The following IFT57 variants were observed in gnomAD, a reference collection of about 807,000 sequenced individuals.
IFT57 encodes the protein intraflagellar transport 57.
IFT57 carries 59 observed loss-of-function variants against 56.8 expected under a neutral mutation model. That is an observed-to-expected ratio of 1.04 (90% confidence interval 0.84 to 1.29). The LOEUF is 1.29. IFT57 is among the 50% of genes most tolerant of loss of function. IFT57 has a pLI of 0.00. For missense variants in IFT57, 470 were observed against 522.1 expected (o/e 0.90, Z 0.97); for synonymous variants, 209 against 186.1 (o/e 1.12, Z -1.00).
chr3:108,207,908 T>C (rs544522844), intron 4 of IFT57, among the ~76,000 whole-genome samples: 1 of 152,208 alleles, frequency 6.6e-6, no homozygotes, highest in South Asian at 2.1e-4. Flanking sequence ...CCGGGCGTGG[T>C]GGCGGGCGCC....
chr3:108,184,939 C>T (rs1443988354), intron 6 of IFT57, among the ~76,000 whole-genome samples: 1 of 152,100 alleles, frequency 6.6e-6, no homozygotes, highest in Non-Finnish European at 1.5e-5. Flanking sequence ...GCTGGAAGTG[C>T]TTCCAAGAAG....
At chr3:108,167,697 C>T (rs1317874920) in intron 7 of IFT57, 96 bp downstream of exon 7, 2 of 810,082 alleles carry the variant, frequency 2.5e-6, no homozygotes, top group Non-Finnish European at 3.6e-6. Context: ...TCCTTAAAGG[C>T]AAAAATTGTG....
rs150919951 is a variant in IFT57 at position 108,222,117 on chromosome 3, G to C, written c.206C>G (p.Pro69Arg). ...CGGGGACGCCGGCACCCACCTGGACGGGGCCTTCAGGTTGCTCTTCCGGAG... is the reference window on the plus strand; with the variant it reads ...CGGGGACGCCGGCACCCACCTGGACCGGGCCTTCAGGTTGCTCTTCCGGAG... ...EFLRKSNLKA[P>R]SRHYFALPTN... Residue 69 changes from proline (P) to arginine (R), a missense_variant, in exon 1 of 11, where the codon CCG becomes CGG. Physicochemically the swap from Pro to Arg is moderately radical, Grantham distance 103. Coordinates refer to ENST00000264538, the MANE Select transcript of IFT57 (RefSeq NM_018010.4). The C allele has an allele frequency of 6.2e-6, 10 of 1,601,248 alleles. No homozygotes were observed. The highest frequency in any genetic ancestry group is 4.5e-5 in the South Asian group (4 of 89,402).
At position 108,206,679 on chromosome 3, in the gene IFT57, AT is replaced by A; in HGVS notation, c.602del (p.Asn201MetfsTer11). ...DEEFVEEETDNEENFIDLNVL... is the reference protein window; with the variant it reads ...DEEFVEEETDXEENFIDLNVL... ...CGTTGAGATCAATAAAGTTTTCTTC[AT>A]TATCTGTCTCTTCTTCCTTAGAAAA... On this transcript the variant is annotated frameshift_variant, in exon 5 of 11. Coordinates refer to ENST00000264538, the MANE Select transcript of IFT57 (RefSeq NM_018010.4). LOFTEE classifies it high-confidence loss of function. 1 of 1,341,162 alleles carries A rather than the reference AT, an allele frequency of 7.5e-7. No homozygotes were observed. The highest frequency in any genetic ancestry group is 1.0e-6 in the Non-Finnish European group (1 of 1,004,308). 83.1% of individuals were successfully genotyped at this position (1,341,162 alleles called of 1,614,324 possible).
rs193219857 is a variant in IFT57, at chr3:108,213,073, T to C, written c.585+858A>G. On this transcript the variant is annotated intron_variant, in intron 4 of 10. Coordinates refer to ENST00000264538, the MANE Select transcript of IFT57 (RefSeq NM_018010.4). ...TTTCTCTCCCTTATGGCTTGCTTAG[T>C]AACATTTTCTTTTCTCTAGCTTACT... Among the ~76,000 whole-genome samples the C allele has an allele frequency of 2.6e-5, 4 of 152,338 alleles. No individual in the cohort carries two copies. In the East Asian group the frequency reaches 7.7e-4, roughly 29 times the overall value.
At chr3:108,205,919 T>G (rs956324996) in intron 5 of IFT57, among the ~76,000 whole-genome samples, 1 of 127,308 alleles carries the variant, frequency 7.9e-6, no homozygotes, top group African/African-American at 2.9e-5. Flanking sequence ...TTAATATATA[T>G]TATTTATAAT....
rs202019258 is a variant in IFT57 at position 108,205,650 on chromosome 3, GAGGATTCAGATA to G, written c.654+966_654+977del. On this transcript the variant is annotated intron_variant, in intron 5 of 10. Coordinates refer to ENST00000264538, the MANE Select transcript of IFT57 (RefSeq NM_018010.4). ...CCAAAACTAGATCCAAACTTGTCTTGAGGATTCAGATAAGAAAAATTAAATAAAGGACTAATA... is the reference window on the plus strand; with the variant it reads ...CCAAAACTAGATCCAAACTTGTCTTGAGAAAAATTAAATAAAGGACTAATA... Among the ~76,000 whole-genome samples, 258 of 150,102 alleles carry G rather than the reference GAGGATTCAGATA, an allele frequency of 1.7e-3. 1 individual carries two copies. In the East Asian group the frequency reaches 0.028, roughly 16 times the overall value.
chr3:108,219,408 A>C lies in IFT57; in HGVS notation c.375+2T>G. On this transcript the variant is annotated splice_donor_variant, in intron 2 of 10. Transcript: ENST00000264538. LOFTEE classifies it high-confidence loss of function. ...GGAAAAAGAAGGGTCGTTTACACTT[A>C]CAAATGACCGAAGCTCGGATAGTAT... The C allele has an allele frequency of 8.1e-6, 13 of 1,611,700 alleles. No homozygotes were observed. The highest frequency in any genetic ancestry group is 1.1e-5 in the Non-Finnish European group (13 of 1,177,816).
chr3:108,167,881 CATAGAA>C lies in IFT57; in HGVS notation c.778-23_778-18del. 1 of 1,544,838 alleles carries C rather than the reference CATAGAA, an allele frequency of 6.5e-7. No individual in the cohort carries two copies. Among genetic ancestry groups the C allele is most frequent in the Non-Finnish European group, 8.7e-7 (1 of 1,143,694 alleles). ...TCTCCAATCCTACAGGCATAGAGCA[CATAGAA>C]ATAATGTAAAAAATACTACATTTCC... On this transcript the variant is annotated intron_variant, in intron 6 of 10. Coordinates refer to ENST00000264538, the MANE Select transcript of IFT57 (RefSeq NM_018010.4).
chr3:108,183,202 T>A (rs1055801367), intron 6 of IFT57, among the ~76,000 whole-genome samples: 1 of 152,014 alleles, frequency 6.6e-6, no homozygotes. Context: ...TGAAAAAAAA[T>A]CATGCTCTTC....
chr3:108,165,094 TA>T (rs2080054057), intron 9 of IFT57, among the ~76,000 whole-genome samples: 1 of 152,104 alleles, frequency 6.6e-6, no homozygotes, highest in African/African-American at 2.4e-5. Flanking sequence ...AGACTAACGT[TA>T]AAATTTGTTA....
rs13319363 is a variant in IFT57, at chr3:108,193,551, C to T, written c.655-1908G>A. 4.6e-3 allele frequency among the ~76,000 whole-genome samples: 698 copies of T among 152,096 alleles called. 3 individuals are homozygous for T. Among genetic ancestry groups the T allele is most frequent in the African/African-American group, 0.016 (669 of 41,494 alleles). On this transcript the variant is annotated intron_variant, in intron 5 of 10. Transcript: ENST00000264538. ...CATTAAGTAAAATGTGAAAAAAAAG[C>T]TCAAGATTCTACTTTAAACATTTAA...
intron 4 of IFT57, among the ~76,000 whole-genome samples, chr3:108,209,238 T>A (rs2080330166): frequency 6.6e-6 from 1 of 152,226 alleles, no homozygotes; most frequent in South Asian, 2.1e-4. Flanking sequence ...TGTACTGACT[T>A]TATATCACAG....
chr3:108,203,087 G>C (rs2080288354), intron 5 of IFT57, among the ~76,000 whole-genome samples: 1 of 152,226 alleles, frequency 6.6e-6, no homozygotes, highest in Non-Finnish European at 1.5e-5. Flanking sequence ...GTGGCCAGCA[G>C]ACAGTCTCCT....
At chr3:108,196,960 A>T (rs551325213) in intron 5 of IFT57, among the ~76,000 whole-genome samples, 1 of 152,140 alleles carries the variant, frequency 6.6e-6, no homozygotes, top group East Asian at 1.9e-4. Flanking sequence ...CTTTGAGAAA[A>T]TTTTTCTTCC....
rs150901895 is a variant in IFT57, at chr3:108,179,701, T to C, written c.777+11820A>G. Among the ~76,000 whole-genome samples the C allele has an allele frequency of 3.0e-3, 459 of 152,096 alleles. 2 individuals are homozygous for C. The highest frequency in any genetic ancestry group is 0.011 in the African/African-American group (439 of 41,540). ...GAGACTGTCTATTCAATTAAATAACTTTTTAAAAATGAGATTGAATAACTT... is the reference window on the plus strand; with the variant it reads ...GAGACTGTCTATTCAATTAAATAACCTTTTAAAAATGAGATTGAATAACTT... On this transcript the variant is annotated intron_variant, in intron 6 of 10. Coordinates refer to ENST00000264538, the MANE Select transcript of IFT57 (RefSeq NM_018010.4).
At chr3:108,200,554 T>C (rs2080272951) in intron 5 of IFT57, among the ~76,000 whole-genome samples, 2 of 152,200 alleles carry the variant, frequency 1.3e-5, no homozygotes, top group African/African-American at 4.8e-5. Flanking sequence ...TATTGAATTA[T>C]ATAATAAATA....
At chr3:108,205,963 ATT>A in intron 5 of IFT57, among the ~76,000 whole-genome samples, 1 of 96,892 alleles carries the variant, frequency 1.0e-5, no homozygotes, top group Non-Finnish European at 2.0e-5. Flanking sequence ...ATATAAATAT[ATT>A]ATATATTTAT....
At chr3:108,170,752 T>C (rs1180233353) in intron 6 of IFT57, among the ~76,000 whole-genome samples, 2 of 150,862 alleles carry the variant, frequency 1.3e-5, no homozygotes, top group East Asian at 3.9e-4. Context: ...CTTCAAACTA[T>C]GCTACAAGGC....
Sources: gnomAD v4.1 joint callset for allele counts (sites outside exome capture counted in the v4.1 genomes callset) on GRCh38, gnomAD v4.1.1 for gene constraint, MANE v1.5 for transcripts, NCBI Gene and HGNC (gene_info 2026-07-23, HGNC 2026-07-21) for gene names.